The following CHRM1 variants were observed in gnomAD, a reference collection of about 807,000 sequenced individuals.
CHRM1 encodes the protein cholinergic receptor muscarinic 1.
A neutral mutation model predicts 31.6 loss-of-function variants in CHRM1; 5 were observed. The ratio of observed to expected loss-of-function variants is 0.16; its 90% confidence interval spans 0.08 to 0.33. The LOEUF is 0.33. CHRM1 is among the 10% of genes least tolerant of loss of function. The probability of loss-of-function intolerance (pLI) is 1.00; values close to 1 mark genes in which losing one functional copy is unlikely to be tolerated. For missense variants in CHRM1, 338 were observed against 610.3 expected (o/e 0.55, Z 4.70); for synonymous variants, 227 against 249.7 (o/e 0.91, Z 0.86).
intron 1 of CHRM1, 146 bp from the exon 2 acceptor site, chr11:62,911,324 A>G: frequency 1.8e-6 from 1 of 566,486 alleles, no homozygotes; most frequent in African/African-American, 1.9e-5. Context: ...ACTCATGGTC[A>G]TTTATCATGC....
intron 1 of CHRM1, among the ~76,000 whole-genome samples, chr11:62,915,620 C>T (rs1275427263): frequency 6.6e-6 from 1 of 152,186 alleles, no homozygotes; most frequent in East Asian, 1.9e-4. Context: ...CACCCTAGTC[C>T]TGGCCTTGTA....
At chr11:62,919,549 G>A (rs917837976) in intron 1 of CHRM1, among the ~76,000 whole-genome samples, 11 of 152,050 alleles carry the variant, frequency 7.2e-5, no homozygotes, top group Non-Finnish European at 2.9e-5. Flanking sequence ...CCTCCTCTCC[G>A]CAAGCCCCCT....
chr11:62,910,432 T>G lies in CHRM1; in HGVS notation c.669A>C (p.Ala223=). 6.2e-7 allele frequency: 1 copy of G among 1,613,496 alleles called. No individual in the cohort carries two copies. Among genetic ancestry groups the G allele is most frequent in the Non-Finnish European group, 8.5e-7 (1 of 1,180,030 alleles). The change falls in exon 2 of 2, where the codon GCA becomes GCC. Residue 223 remains alanine, a synonymous_variant. Coordinates refer to ENST00000306960, the MANE Select transcript of CHRM1 (RefSeq NM_000738.3). The surrounding 1 kb of genome is among the most constrained non-coding windows in gnomAD (Gnocchi z 8.7). ...CTGGCGTCTCGGAGCCCTGAAGGGC[T>G]GCCAGCTCCCGTGCTCGGTTCTCTG... ...RETENRAREL[A]ALQGSETPGK...
chr11:62,916,772 G>A (rs1342028022), intron 1 of CHRM1: 1 of 152,360 alleles, frequency 6.6e-6, no homozygotes, highest in Non-Finnish European at 1.5e-5. Flanking sequence ...AGTGGTGGAG[G>A]TGGGATTCTG....
intron 1 of CHRM1, among the ~76,000 whole-genome samples, chr11:62,918,741 C>T (rs1041633426): frequency 4.6e-5 from 7 of 152,168 alleles, no homozygotes; most frequent in African/African-American, 1.7e-4. Flanking sequence ...TGTTGACTCC[C>T]AGCGCCCAGG....
intron 1 of CHRM1, among the ~76,000 whole-genome samples, chr11:62,918,665 A>G (rs546668242): frequency 6.6e-6 from 1 of 152,308 alleles, no homozygotes; most frequent in African/African-American, 2.4e-5. Flanking sequence ...TGGGGAGAGG[A>G]GAATGTTAGC....
At chr11:62,920,252 G>A (rs2085925691) in intron 1 of CHRM1, among the ~76,000 whole-genome samples, 1 of 152,178 alleles carries the variant, frequency 6.6e-6, no homozygotes, top group Non-Finnish European at 1.5e-5. Context: ...AGCTGCAGGT[G>A]TGTTTTGTGC....
At position 62,910,791 on chromosome 11, in the gene CHRM1, G is replaced by A. The variant is rs1236096605; in HGVS notation, c.310C>T (p.Leu104=). 6.2e-7 allele frequency: 1 copy of A among 1,614,110 alleles called. No individual in the cohort carries two copies. Among genetic ancestry groups the A allele is most frequent in the Non-Finnish European group, 8.5e-7 (1 of 1,180,044 alleles). Residue 104 remains leucine (L), a synonymous_variant, in exon 2 of 2, where the codon CTG becomes TTG. Transcript: ENST00000306960. This position sits in a 1 kb window ranked among gnomAD's most constrained non-coding sequence, Gnocchi z 8.7. ...GTLACDLWLA[L]DYVASNASVM... ...GAGGCATTGCTGGCCACATAGTCCA[G>A]GGCCAGCCAGAGGTCACAAGCCAGC...
At chr11:62,916,383 A>T (rs1590651865) in intron 1 of CHRM1, among the ~76,000 whole-genome samples, 1 of 152,346 alleles carries the variant, frequency 6.6e-6, no homozygotes, top group East Asian at 1.9e-4. Flanking sequence ...ATCAACTCAG[A>T]TTGCGAATAC....
chr11:62,916,544 G>T (rs1206999690), intron 1 of CHRM1, among the ~76,000 whole-genome samples: 1 of 152,138 alleles, frequency 6.6e-6, no homozygotes, highest in African/African-American at 2.4e-5. Flanking sequence ...GCAGTCCCTT[G>T]CCTTGATGTC....
chr11:62,919,302 T>C (rs564468551), intron 1 of CHRM1, among the ~76,000 whole-genome samples: 95 of 152,320 alleles, frequency 6.2e-4, no homozygotes, highest in African/African-American at 2.1e-3. Flanking sequence ...ACAGTTGCCA[T>C]TGGGAGGGCC....
intron 1 of CHRM1, among the ~76,000 whole-genome samples, chr11:62,916,317 C>T (rs1266011966): frequency 6.6e-6 from 1 of 152,214 alleles, no homozygotes; most frequent in Non-Finnish European, 1.5e-5. Flanking sequence ...AACCCAAGTC[C>T]CTGAGGCAAG....
In CHRM1 at chr11:62,909,671, C is replaced by A. The variant is rs777665237; in HGVS notation, c.*47G>T. The stretch of plus-strand genomic sequence containing the variant: ...GATGCAGCCCCTGCCCTCTTCCCAC[C>A]GGCCTTTCCCGGGGACTGGGGTGGA... On this transcript the variant is annotated 3_prime_UTR_variant, in exon 2 of 2. Transcript: ENST00000306960. 6 of 1,588,188 alleles carry A rather than the reference C, an allele frequency of 3.8e-6. No individual in the cohort carries two copies. Among genetic ancestry groups the A allele is most frequent in the East Asian group, 2.2e-5 (1 of 44,758 alleles).
Position 62,909,612 on chromosome 11 carries a change from C to G in CHRM1, c.*106G>C. 7.2e-7 allele frequency: 1 copy of G among 1,392,256 alleles called. No homozygotes were observed. Among genetic ancestry groups the G allele is most frequent in the Non-Finnish European group, 9.7e-7 (1 of 1,028,774 alleles). 86.2% of individuals were successfully genotyped at this position (1,392,256 alleles called of 1,614,324 possible). A position where few individuals can be genotyped will look rare whatever the true frequency, so the allele number is the denominator to read the frequency against. The stretch of plus-strand genomic sequence containing the variant: ...GAAGGTGACCCAGGGTCCTGGGAAG[C>G]CAGGTGAGGCCTGAGCAGGGCCCTG... On this transcript the variant is annotated 3_prime_UTR_variant, in exon 2 of 2. Coordinates refer to ENST00000306960, the MANE Select transcript of CHRM1 (RefSeq NM_000738.3).
chr11:62,910,854 T>C lies in CHRM1; in HGVS notation c.247A>G (p.Thr83Ala). The C allele has an allele frequency of 1.2e-6, 2 of 1,613,870 alleles. No individual in the cohort carries two copies. The highest frequency in any genetic ancestry group is 1.7e-6 in the Non-Finnish European group (2 of 1,179,944). ...IIGTFSMNLY[T>A]TYLLMGHWAL... is the part of the protein sequence containing the mutation. ...CAGTGGCCCATGAGCAGGTACGTGG[T>C]ATAGAGGTTCATGGAGAAGGTACCG... The change falls in exon 2 of 2, where the codon ACC becomes GCC. Residue 83 changes from threonine (T) to alanine (A), a missense_variant. Physicochemically the swap from Thr to Ala is moderately conservative, Grantham distance 58. Coordinates refer to ENST00000306960, the MANE Select transcript of CHRM1 (RefSeq NM_000738.3). This position sits in a 1 kb window ranked among gnomAD's most constrained non-coding sequence, Gnocchi z 8.7.
chr11:62,911,997 TA>T (rs1420607604), intron 1 of CHRM1, among the ~76,000 whole-genome samples: 1 of 151,810 alleles, frequency 6.6e-6, no homozygotes, highest in African/African-American at 2.4e-5. Context: ...TAGGGGGTGG[TA>T]TTTGGGGCTG....
chr11:62,909,909 T>C lies in CHRM1; in HGVS notation c.1192A>G (p.Thr398Ala). The C allele has an allele frequency of 6.2e-7, 1 of 1,614,156 alleles. No homozygotes were observed. The highest frequency in any genetic ancestry group is 8.5e-7 in the Non-Finnish European group (1 of 1,180,008). The stretch of plus-strand genomic sequence containing the variant: ...AGCCAGTAGCCCAGCTCCCACAGGG[T>C]CTCGGGAACACAGTCCTTGCAGAAG... ...STFCKDCVPETLWELGYWLCY... is the reference protein window; with the variant it reads ...STFCKDCVPEALWELGYWLCY... The change falls in exon 2 of 2, where the codon ACC becomes GCC. Residue 398 changes from threonine to alanine, a missense_variant. Thr to Ala is a moderately conservative substitution (Grantham distance 58). Around this residue, in one of 4 missense-constraint regions of CHRM1, gnomAD observed 68 missense variants for 108.5 expected, o/e 0.63. Coordinates refer to ENST00000306960, the MANE Select transcript of CHRM1 (RefSeq NM_000738.3).
intron 1 of CHRM1, among the ~76,000 whole-genome samples, chr11:62,914,106 G>A (rs113932248): frequency 1.1e-4 from 17 of 151,934 alleles, no homozygotes; most frequent in South Asian, 4.2e-4. Flanking sequence ...CACCACGCCC[G>A]GCTAAATTTT....
rs1590648076 is a variant in CHRM1 at position 62,909,693 on chromosome 11, T to C, written c.*25A>G. On this transcript the variant is annotated 3_prime_UTR_variant, in exon 2 of 2. Coordinates refer to ENST00000306960, the MANE Select transcript of CHRM1 (RefSeq NM_000738.3). ...CACCGGCCTTTCCCGGGGACTGGGG[T>C]GGAGGGATGCAGGAGAGGGGACTAT... The C allele has an allele frequency of 6.2e-7, 1 of 1,604,558 alleles. No individual in the cohort carries two copies. Among genetic ancestry groups the C allele is most frequent in the Non-Finnish European group, 8.5e-7 (1 of 1,174,678 alleles).
Sources: gnomAD v4.1 joint callset for allele counts (sites outside exome capture counted in the v4.1 genomes callset) on GRCh38, gnomAD v4.1.1 for gene constraint, gnomAD v4.1.1 regional missense constraint, Gnocchi (gnomAD v3.1) non-coding constraint, MANE v1.5 for transcripts, NCBI Gene and HGNC (gene_info 2026-07-23, HGNC 2026-07-21) for gene names.